The following AKAP12 variants were observed in gnomAD, a reference collection of about 807,000 sequenced individuals.
AKAP12 encodes A-kinase anchoring protein 12.
Under a neutral mutation model 79.9 loss-of-function variants are expected in AKAP12, and 32 were observed. That is an observed-to-expected ratio of 0.40 (90% confidence interval 0.30 to 0.54). AKAP12 has a LOEUF of 0.54. Among genes scored for constraint, AKAP12 ranks in the 20% least tolerant of loss-of-function variants. The pLI is 0.48. For missense variants in AKAP12, 2,074 were observed against 2,177.0 expected, an observed-to-expected ratio of 0.95 and a Z score of 0.94; for synonymous variants, 808 against 857.0, an observed-to-expected ratio of 0.94 and a Z score of 1.00.
Position 151,240,517 on chromosome 6 carries a change from G to T in AKAP12, c.-46G>T. 1 of 1,391,030 alleles carries T rather than the reference G, an allele frequency of 7.2e-7. No individual in the cohort carries two copies. The highest frequency in any genetic ancestry group is 9.3e-7 in the Non-Finnish European group (1 of 1,079,826). 86.2% of individuals were successfully genotyped at this position (1,391,030 alleles called of 1,614,324 possible). On this transcript the variant is annotated 5_prime_UTR_variant, in exon 2 of 5. Transcript: ENST00000402676. ...CTTGCCCCTGTCCCTGCGGCTTGGG[G>T]AAGGCGTAACCCGGCGGCTAGGCGC...
intron 2 of AKAP12, among the ~76,000 whole-genome samples, chr6:151,279,103 A>G (rs989860792): frequency 6.6e-6 from 1 of 152,214 alleles, no homozygotes; most frequent in African/African-American, 2.4e-5. Context: ...GAAATAGAGA[A>G]CACACCTGGA....
chr6:151,253,501 C>T (rs1018200259), intron 2 of AKAP12, among the ~76,000 whole-genome samples: 1 of 151,924 alleles, frequency 6.6e-6, no homozygotes, highest in Non-Finnish European at 1.5e-5. Context: ...ATTAAAATTA[C>T]AGGCATGAGC....
At chr6:151,325,746 G>A in intron 3 of AKAP12, 1 of 1,576,824 alleles carries the variant, frequency 6.3e-7, no homozygotes, top group South Asian at 1.2e-5. Context: ...TGGGCGCTCA[G>A]TCCGCTCTGA....
intron 3 of AKAP12, among the ~76,000 whole-genome samples, chr6:151,330,173 A>G (rs1357879528): frequency 1.3e-5 from 2 of 152,120 alleles, no homozygotes; most frequent in African/African-American, 4.8e-5. Flanking sequence ...CAAATTAAAG[A>G]TTTAGCTGTG....
intron 1 of AKAP12, 101 bp from the exon 2 acceptor site, chr6:151,240,283 G>T: frequency 3.4e-6 from 1 of 297,810 alleles, no homozygotes; most frequent in Non-Finnish European, 6.1e-6. Flanking sequence ...GCTGCAGGGC[G>T]TGTCTGGGGC....
intron 3 of AKAP12, among the ~76,000 whole-genome samples, chr6:151,327,299 C>T (rs1198137665): frequency 2.0e-5 from 3 of 152,062 alleles, no homozygotes. Flanking sequence ...CCTTAAAATT[C>T]GACCCCCAAG....
chr6:151,288,743 T>G (rs188743586), intron 2 of AKAP12, among the ~76,000 whole-genome samples: 72 of 152,208 alleles, frequency 4.7e-4, no homozygotes, highest in African/African-American at 1.0e-3. Context: ...GAGGACAGAG[T>G]GAATTTCTCC....
intron 3 of AKAP12, among the ~76,000 whole-genome samples, chr6:151,319,457 CTAT>C (rs1339222593): frequency 7.0e-5 from 10 of 142,364 alleles, no homozygotes; most frequent in African/African-American, 2.7e-4. Context: ...ATCTATCTAT[CTAT>C]CTATCTATCT....
At chr6:151,269,117 C>A (rs1296173290) in intron 2 of AKAP12, among the ~76,000 whole-genome samples, 4 of 151,748 alleles carry the variant, frequency 2.6e-5, no homozygotes, top group Non-Finnish European at 5.9e-5. Flanking sequence ...TAGGTGAAAT[C>A]TTTCTCACAA....
intron 3 of AKAP12, among the ~76,000 whole-genome samples, chr6:151,312,140 A>G (rs1343672218): frequency 1.3e-5 from 2 of 152,160 alleles, no homozygotes; most frequent in Non-Finnish European, 1.5e-5. Context: ...AACATCTGGC[A>G]TTTGACATCT....
chr6:151,345,515 C>T (rs1778068356), intron 3 of AKAP12, among the ~76,000 whole-genome samples: 1 of 151,422 alleles, frequency 6.6e-6, no homozygotes, highest in Non-Finnish European at 1.5e-5. Flanking sequence ...AAATTAGAGG[C>T]TGGGGGCAGT....
chr6:151,348,174 CAAATTAGCTGGGCATGGTGACA>C (rs917555675), intron 3 of AKAP12, among the ~76,000 whole-genome samples: 2 of 149,668 alleles, frequency 1.3e-5, no homozygotes, highest in African/African-American at 4.9e-5. Flanking sequence ...ACAAAAAAAA[CAAATTAGCTGGGCATGGTGACA>C]GACGCCTGTA....
rs144174279 is a variant in AKAP12, at chr6:151,320,952, C to T, written c.319+15049C>T. Among the ~76,000 whole-genome samples, 7 of 152,136 alleles carry T rather than the reference C, an allele frequency of 4.6e-5. No individual in the cohort carries two copies. The East Asian group carries it at 1.2e-3, about 25-fold the overall frequency. The stretch of plus-strand genomic sequence containing the variant: ...CTATATTCACAGAGTTGTATAACCA[C>T]CCCCACAATCAACTGTGGGACATTT... On this transcript the variant is annotated intron_variant, in intron 3 of 4. Transcript: ENST00000402676.
intron 2 of AKAP12, among the ~76,000 whole-genome samples, chr6:151,275,617 C>T (rs17081005): frequency 0.044 from 6,728 of 152,172 alleles, 236 homozygotes; most frequent in East Asian, 0.14. Context: ...TATCAGAATA[C>T]TTTAATACAT....
At chr6:151,316,173 C>G (rs1338236528) in intron 3 of AKAP12, among the ~76,000 whole-genome samples, 1 of 152,212 alleles carries the variant, frequency 6.6e-6, no homozygotes, top group Non-Finnish European at 1.5e-5. Context: ...GCATATCATG[C>G]TTCGAATTGT....
chr6:151,334,913 G>A (rs1777774191), intron 3 of AKAP12, among the ~76,000 whole-genome samples: 1 of 152,070 alleles, frequency 6.6e-6, no homozygotes, highest in African/African-American at 2.4e-5. Context: ...GTGAACCGCC[G>A]CGCCCGGCCT....
intron 4 of AKAP12, among the ~76,000 whole-genome samples, chr6:151,355,361 G>A (rs1562757927): frequency 6.6e-6 from 1 of 151,534 alleles, no homozygotes. Context: ...GGAGTGCAGT[G>A]GCACAATCTC....
At position 151,277,965 on chromosome 6, in the gene AKAP12, TG is replaced by T. The variant is rs1449657491; in HGVS notation, c.163-27781del. 2.4e-5 allele frequency among the ~76,000 whole-genome samples: 3 copies of T among 125,654 alleles called. No individual in the cohort carries two copies. The Admixed American group carries it at 2.8e-4, about 12-fold the overall frequency. 82.4% of individuals were successfully genotyped at this position (125,654 alleles called of 152,430 possible). A position where few individuals can be genotyped will look rare whatever the true frequency, so the allele number is the denominator to read the frequency against. On this transcript the variant is annotated intron_variant, in intron 2 of 4. Transcript: ENST00000402676. The stretch of plus-strand genomic sequence containing the variant: ...GTTTATGTGTGTGTGTGTGTGTGTG[TG>T]TGTGTGTCTGTCTGTTTATTTTTTT...
intron 2 of AKAP12, among the ~76,000 whole-genome samples, chr6:151,246,151 G>A (rs906833739): frequency 3.6e-4 from 55 of 152,328 alleles, no homozygotes; most frequent in African/African-American, 1.2e-3. Context: ...AGGTGCGGTG[G>A]CTCACGCCTG....
Sources: allele counts gnomAD v4.1 joint callset (sites outside exome capture counted in the v4.1 genomes callset), GRCh38; gene constraint gnomAD v4.1.1; transcripts MANE v1.5; gene names NCBI Gene and HGNC (gene_info 2026-07-23, HGNC 2026-07-21).